LOXL2: variants seen among roughly 807,000 people sequenced by gnomAD.
The protein encoded by LOXL2 is lysyl oxidase like 2.
In LOXL2, 70 loss-of-function variants were observed where a neutral mutation model predicts 93.0. The ratio of observed to expected loss-of-function variants is 0.75; its 90% confidence interval spans 0.62 to 0.92. The LOEUF (loss-of-function observed/expected upper bound fraction) is 0.92. LOXL2 is among the 40% of genes least tolerant of loss of function. The pLI, the probability that LOXL2 is intolerant of heterozygous loss-of-function variation, is 0.00. For synonymous variants in LOXL2, 438 were observed against 413.2 expected (o/e 1.06, Z -0.73); for missense variants, 973 against 1,054.9 (o/e 0.92, Z 1.08).
Position 23,319,987 on chromosome 8 carries a change from C to T in LOXL2, c.1368G>A (p.Gly456=). The change falls in exon 8 of 14, where the codon GGG becomes GGA. Residue 456 remains glycine, a synonymous_variant. Coordinates refer to ENST00000389131, the MANE Select transcript of LOXL2 (RefSeq NM_002318.3). The stretch of plus-strand genomic sequence containing the variant: ...CACACACCATCCCCCACACAAGGGA[C>T]CCGTTTCTCTCCACCAGCACCTCCA... The part of the protein sequence containing the change: ...GRVEVLVERN[G]SLVWGMVCGQ... The T allele has an allele frequency of 6.2e-7, 1 of 1,614,132 alleles. No homozygotes were observed. Among genetic ancestry groups the T allele is most frequent in the Non-Finnish European group, 8.5e-7 (1 of 1,179,984 alleles).
chr8:23,316,878 TCTTGAGGAATAA>T (rs1803410843), intron 9 of LOXL2, 59 bp downstream of exon 9: 1 of 1,392,658 alleles, frequency 7.2e-7, no homozygotes, highest in African/African-American at 1.5e-5. Context: ...CTTCAGAGTC[TCTTGAGGAATAA>T]CTGGTGGGAC....
At chr8:23,332,467 A>ACC (rs373708250) in intron 5 of LOXL2, among the ~76,000 whole-genome samples, 1 of 65,880 alleles carries the variant, frequency 1.5e-5, no homozygotes, top group Non-Finnish European at 2.8e-5. Context: ...CCACACACAT[A>ACC]CCCCCCACAC....
At position 23,368,377 on chromosome 8, in the gene LOXL2, C is replaced by T. The variant is rs1804447237; in HGVS notation, c.-26G>A. Reference sequence around the variant, plus strand: ...CCCTGTCTTCGGGCTGATGATCCCACGAAGGGGCCCTGCGCAGCTGGGAGG... The same window carrying T: ...CCCTGTCTTCGGGCTGATGATCCCATGAAGGGGCCCTGCGCAGCTGGGAGG... On this transcript the variant is annotated 5_prime_UTR_variant, in exon 2 of 14. It adds an upstream start codon to the 5' untranslated region. Transcript: ENST00000389131. The T allele has an allele frequency of 3.1e-6, 5 of 1,593,986 alleles. No individual in the cohort carries two copies. Among genetic ancestry groups the T allele is most frequent in the Non-Finnish European group, 3.4e-6 (4 of 1,167,970 alleles).
At chr8:23,383,646 GTTTT>G (rs1204879895) in intron 1 of LOXL2, among the ~76,000 whole-genome samples, 9 of 117,656 alleles carry the variant, frequency 7.6e-5, no homozygotes, top group African/African-American at 2.1e-4. Flanking sequence ...GCACTTTTAC[GTTTT>G]TTTTTTGTTT....
At chr8:23,383,639 C>A (rs974916852) in intron 1 of LOXL2, among the ~76,000 whole-genome samples, 1 of 135,286 alleles carries the variant, frequency 7.4e-6, no homozygotes, top group Admixed American at 7.4e-5. Flanking sequence ...TAAGAGGGCA[C>A]TTTTACGTTT....
intron 3 of LOXL2, among the ~76,000 whole-genome samples, chr8:23,342,037 T>A (rs757660981): frequency 1.3e-5 from 2 of 151,878 alleles, no homozygotes; most frequent in Non-Finnish European, 2.9e-5. Context: ...GTTGGAAAGA[T>A]TCATTGGCAG....
chr8:23,333,961 A>AAAC (rs1803748241), intron 4 of LOXL2, among the ~76,000 whole-genome samples: 7 of 152,214 alleles, frequency 4.6e-5, no homozygotes. Flanking sequence ...AACAGGTGAG[A>AAAC]TCCCTGGTCC....
At chr8:23,359,860 C>T (rs140488963) in intron 3 of LOXL2, among the ~76,000 whole-genome samples, 22 of 152,294 alleles carry the variant, frequency 1.4e-4, no homozygotes, top group African/African-American at 4.8e-4. Flanking sequence ...AACCTTCACA[C>T]CTCTGTGCCT....
At chr8:23,348,250 C>G (rs1379234627) in intron 3 of LOXL2, among the ~76,000 whole-genome samples, 1 of 95,888 alleles carries the variant, frequency 1.0e-5, no homozygotes, top group East Asian at 2.8e-4. Flanking sequence ...ACACCGGGGC[C>G]TGTCGTGGGG....
At chr8:23,365,825 C>T (rs1804391360) in intron 2 of LOXL2, 1 of 152,364 alleles carries the variant, frequency 6.6e-6, no homozygotes, top group Non-Finnish European at 1.5e-5. Context: ...TGAACAGAGA[C>T]TCGCAATCCA....
At chr8:23,389,655 T>C (rs1158467042) in intron 1 of LOXL2, among the ~76,000 whole-genome samples, 3 of 152,158 alleles carry the variant, frequency 2.0e-5, no homozygotes, top group Non-Finnish European at 2.9e-5. Context: ...TATACAGTGT[T>C]TGGACATCAT....
chr8:23,303,948 A>AC (rs1156302893), intron 10 of LOXL2, among the ~76,000 whole-genome samples: 1 of 152,184 alleles, frequency 6.6e-6, no homozygotes, highest in African/African-American at 2.4e-5. Context: ...ACACACAGGT[A>AC]CCCCAAGGTC....
intron 2 of LOXL2, chr8:23,366,177 G>A (rs957072271): frequency 6.6e-6 from 1 of 152,250 alleles, no homozygotes; most frequent in Non-Finnish European, 1.5e-5. Flanking sequence ...GGAAAGCCTG[G>A]AATGGAAAAC....
At chr8:23,342,691 A>G (rs775667716) in intron 3 of LOXL2, among the ~76,000 whole-genome samples, 6 of 152,142 alleles carry the variant, frequency 3.9e-5, no homozygotes, top group Non-Finnish European at 8.8e-5. Flanking sequence ...TTGGCCTCAC[A>G]AAGTGCTGGG....
chr8:23,383,639 C>G (rs974916852), intron 1 of LOXL2, among the ~76,000 whole-genome samples: 33 of 135,286 alleles, frequency 2.4e-4, no homozygotes, highest in Non-Finnish European at 4.9e-4. Context: ...TAAGAGGGCA[C>G]TTTTACGTTT....
At chr8:23,380,999 T>A (rs894884770) in intron 1 of LOXL2, among the ~76,000 whole-genome samples, 4 of 152,086 alleles carry the variant, frequency 2.6e-5, no homozygotes, top group African/African-American at 4.8e-5. Flanking sequence ...AGAGAGACTC[T>A]GTCTCAGAAA....
chr8:23,355,783 T>A (rs940746045), intron 3 of LOXL2, among the ~76,000 whole-genome samples: 1 of 151,854 alleles, frequency 6.6e-6, no homozygotes, highest in African/African-American at 2.4e-5. Flanking sequence ...TTAATTTTTT[T>A]AATTTGGTAG....
chr8:23,368,945 T>C (rs1229267976), intron 1 of LOXL2, among the ~76,000 whole-genome samples: 1 of 152,134 alleles, frequency 6.6e-6, no homozygotes, highest in Non-Finnish European at 1.5e-5. Flanking sequence ...TGACTCCCTT[T>C]CCTCCCGTCT....
At chr8:23,342,976 C>G (rs1052983956) in intron 3 of LOXL2, among the ~76,000 whole-genome samples, 1 of 152,154 alleles carries the variant, frequency 6.6e-6, no homozygotes, top group Admixed American at 6.5e-5. Flanking sequence ...GTTTCGAACT[C>G]CTGGCCTCAA....
Sources: allele counts gnomAD v4.1 joint callset (sites outside exome capture counted in the v4.1 genomes callset), GRCh38; gene constraint gnomAD v4.1.1; transcripts MANE v1.5; gene names NCBI Gene and HGNC (gene_info 2026-07-23, HGNC 2026-07-21).